Variants in PCSK5 observed in about 807,000 individuals in gnomAD.
PCSK5 encodes proprotein convertase subtilisin/kexin type 5, also known as prohormone convertase 5.
Under a neutral mutation model 233.2 loss-of-function variants are expected in PCSK5, and 129 were observed. The ratio of observed to expected loss-of-function variants is 0.55; its 90% CI spans 0.48 to 0.64. The LOEUF is 0.64. Among genes scored for constraint, PCSK5 ranks in the 30% least tolerant of loss-of-function variants. PCSK5 has a pLI of 0.00. For synonymous variants in PCSK5, 825 were observed against 879.2 expected (o/e 0.94, Z 1.09); for missense variants, 2,076 against 2,430.1 (o/e 0.85, Z 3.06).
At chr9:76,240,739 C>T in intron 24 of PCSK5, 55 bp downstream of exon 24, 6 of 1,215,350 alleles carry the variant, frequency 4.9e-6, no homozygotes, top group Non-Finnish European at 7.2e-6. Flanking sequence ...TCCTTTTCCA[C>T]ACATCTTCAT....
At chr9:76,170,844 A>G (rs1197585828) in intron 13 of PCSK5, among the ~76,000 whole-genome samples, 1 of 152,232 alleles carries the variant, frequency 6.6e-6, no homozygotes, top group East Asian at 1.9e-4. Context: ...CACGTTTGCC[A>G]GACTTTTGCC....
At chr9:76,054,913 G>C (rs947954215) in intron 5 of PCSK5, among the ~76,000 whole-genome samples, 2 of 151,994 alleles carry the variant, frequency 1.3e-5, no homozygotes, top group African/African-American at 2.4e-5. Flanking sequence ...TTAAAAGCTT[G>C]CTAGTTATTT....
intron 24 of PCSK5, among the ~76,000 whole-genome samples, chr9:76,270,468 A>C (rs932775766): frequency 2.0e-5 from 3 of 152,136 alleles, no homozygotes; most frequent in African/African-American, 7.2e-5. Flanking sequence ...ACAATCTCCA[A>C]AGGATTGTTC....
At position 76,042,547 on chromosome 9, in the gene PCSK5, A is replaced by AG. The variant is rs1317199990; in HGVS notation, c.632+15517dup. Among the ~76,000 whole-genome samples the AG allele has an allele frequency of 1.1e-4, 17 of 151,212 alleles. No homozygotes were observed. In the South Asian group the frequency reaches 1.7e-3, roughly 15 times the overall value. ...GCATGTGCCTGTAATCCCAGCTACT[A>AG]GGGGGGGCTGAGGTGGGAGAATAGC... On this transcript the variant is annotated intron_variant, in intron 5 of 37. Coordinates refer to ENST00000674117, the MANE Select transcript of PCSK5 (RefSeq NM_001372043.1).
intron 22 of PCSK5, among the ~76,000 whole-genome samples, chr9:76,238,544 G>T (rs760343819): frequency 1.3e-5 from 2 of 152,200 alleles, no homozygotes; most frequent in Admixed American, 6.5e-5. Flanking sequence ...CATAAAAAGT[G>T]TCGATCATTA....
chr9:76,133,465 G>C (rs12351789), intron 9 of PCSK5, among the ~76,000 whole-genome samples: 1 of 151,870 alleles, frequency 6.6e-6, no homozygotes, highest in Non-Finnish European at 1.5e-5. Flanking sequence ...ATAAGAACTA[G>C]GTGTCTAATA....
rs143272015 is a variant in PCSK5 at position 76,164,164 on chromosome 9, G to A, written c.1619+4993G>A. On this transcript the variant is annotated intron_variant, in intron 12 of 37. Transcript: ENST00000674117. The stretch of plus-strand genomic sequence containing the variant: ...GTTCAATGACAGACTATTGACATTT[G>A]TAAGGCATCATGGTATATAAATGCA... Among the ~76,000 whole-genome samples, 5 of 152,236 alleles carry A rather than the reference G, an allele frequency of 3.3e-5. No individual in the cohort carries two copies. In the East Asian group the frequency reaches 7.7e-4, roughly 23 times the overall value.
In PCSK5 at chr9:76,332,297, A is replaced by C. The variant is rs568423256; in HGVS notation, c.4571-136A>C. ...GACACTAATCTTATTTCCCAAACAT[A>C]TCCATCAGCTCACAGGATCATCCCA... On this transcript the variant is annotated intron_variant, in intron 33 of 37. Coordinates refer to ENST00000674117, the MANE Select transcript of PCSK5 (RefSeq NM_001372043.1). 87 of 616,856 alleles carry C rather than the reference A, an allele frequency of 1.4e-4. No individual in the cohort carries two copies. The African/African-American group carries it at 1.5e-3, about 11-fold the overall frequency. 38.2% of individuals were successfully genotyped at this position (616,856 alleles called of 1,614,324 possible). A position where few individuals can be genotyped will look rare whatever the true frequency, so the allele number is the denominator to read the frequency against.
intron 8 of PCSK5, among the ~76,000 whole-genome samples, chr9:76,096,651 G>T (rs1831528844): frequency 2.0e-5 from 3 of 151,394 alleles, no homozygotes; most frequent in Non-Finnish European, 4.4e-5. Context: ...GCCCAGGCTG[G>T]AGGGCAGTGG....
chr9:76,071,103 G>T (rs912471687), intron 6 of PCSK5, among the ~76,000 whole-genome samples: 7 of 152,070 alleles, frequency 4.6e-5, no homozygotes, highest in African/African-American at 1.7e-4. Context: ...CTGTTTGATA[G>T]AAATATACTT....
chr9:76,175,226 G>T (rs759019779), intron 14 of PCSK5, 97 bp downstream of exon 14: 1 of 827,540 alleles, frequency 1.2e-6, no homozygotes, highest in Non-Finnish European at 1.8e-6. Context: ...GGAATGAAAT[G>T]GAATGGAATG....
At position 76,088,683 on chromosome 9, in the gene PCSK5, A is replaced by C. The variant is rs17062001; in HGVS notation, c.895-7207A>C. On this transcript the variant is annotated intron_variant, in intron 7 of 37. Transcript: ENST00000674117. ...ACTCGGATGAACTGATTGAAAAAAC[A>C]AGTCTGGGGCTTAAGTAAGCTCTTA... Among the ~76,000 whole-genome samples the C allele has an allele frequency of 8.3e-3, 1,263 of 152,308 alleles. 11 individuals are homozygous for C. The highest frequency in any genetic ancestry group is 0.029 in the African/African-American group (1,210 of 41,558).
chr9:76,323,224 T>C lies in PCSK5; in HGVS notation c.4275T>C (p.Asp1425=), dbSNP rs561795772. ...LCLESSWVLY[D]GLCLEECPAG... ...TTGAGAGTTCCTGGGTCCTCTATGA[T>C]GGACTGTGCTTGGAGGAGTGTCCAG... The change falls in exon 32 of 38, where the codon GAT becomes GAC. Residue 1425 remains aspartate (D), a synonymous_variant. Coordinates refer to ENST00000674117, the MANE Select transcript of PCSK5 (RefSeq NM_001372043.1). 18 of 1,612,636 alleles carry C rather than the reference T, an allele frequency of 1.1e-5. No individual in the cohort carries two copies. In the South Asian group the frequency reaches 1.9e-4, roughly 17 times the overall value.
At chr9:76,152,645 TG>T (rs1823720529) in intron 10 of PCSK5, among the ~76,000 whole-genome samples, 1 of 152,154 alleles carries the variant, frequency 6.6e-6, no homozygotes, top group African/African-American at 2.4e-5. Context: ...ATCCATTCAG[TG>T]TAATTTTTAA....
At position 75,921,381 on chromosome 9, in the gene PCSK5, C is replaced by T. The variant is rs577765837; in HGVS notation, c.193-10998C>T. Reference sequence around the variant, plus strand: ...TGAGCATGACTGGACCGAAAGCGAACATATACTGTTCTAGGCAGTAATTCT... The same window carrying T: ...TGAGCATGACTGGACCGAAAGCGAATATATACTGTTCTAGGCAGTAATTCT... On this transcript the variant is annotated intron_variant, in intron 1 of 37. Transcript: ENST00000674117. Among the ~76,000 whole-genome samples the T allele has an allele frequency of 3.3e-5, 5 of 152,290 alleles. No individual in the cohort carries two copies. In the East Asian group the frequency reaches 9.6e-4, roughly 29 times the overall value.
intron 3 of PCSK5, among the ~76,000 whole-genome samples, chr9:75,992,165 A>C (rs557248976): frequency 8.5e-5 from 13 of 152,296 alleles, no homozygotes; most frequent in African/African-American, 3.1e-4. Flanking sequence ...TATCATCTAT[A>C]TAATTGAAGT....
At chr9:76,174,541 A>T (rs1187023014) in intron 13 of PCSK5, among the ~76,000 whole-genome samples, 1 of 151,774 alleles carries the variant, frequency 6.6e-6, no homozygotes, top group Non-Finnish European at 1.5e-5. Flanking sequence ...CAATCTCCTG[A>T]CCTCGTGATC....
At chr9:76,241,134 T>G (rs1008994004) in intron 24 of PCSK5, among the ~76,000 whole-genome samples, 7 of 151,638 alleles carry the variant, frequency 4.6e-5, no homozygotes, top group East Asian at 3.9e-4. Context: ...GGAGGGGGGG[T>G]TTCCTTTATA....
intron 24 of PCSK5, among the ~76,000 whole-genome samples, chr9:76,263,380 A>C (rs1827239208): frequency 6.6e-6 from 1 of 152,342 alleles, no homozygotes; most frequent in South Asian, 2.1e-4. Context: ...AACCAACGCA[A>C]ATGTCCAACA....
Sources: gnomAD v4.1 joint callset for allele counts (sites outside exome capture counted in the v4.1 genomes callset) on GRCh38, gnomAD v4.1.1 for gene constraint, MANE v1.5 for transcripts, NCBI Gene and HGNC (gene_info 2026-07-23, HGNC 2026-07-21) for gene names.